Variants in MID2 observed in about 807,000 individuals in gnomAD.
MID2 encodes the protein probable E3 ubiquitin-protein ligase MID2.
In MID2, 13 loss-of-function variants were observed where a neutral mutation model predicts 46.1. The observed-to-expected ratio is 0.28, with a 90% confidence interval of 0.18 to 0.45. The LOEUF (loss-of-function observed/expected upper bound fraction) is 0.45. Among genes scored for constraint, MID2 ranks in the 20% least tolerant of loss-of-function variants. The pLI is 1.00. For synonymous variants in MID2, 199 were observed against 212.3 expected, an observed-to-expected ratio of 0.94 and a Z score of 0.55; for missense variants, 431 against 575.4, an observed-to-expected ratio of 0.75 and a Z score of 2.57.
At chrX:107,837,808 A>G (rs1357589803) in intron 1 of MID2, among the ~76,000 whole-genome samples, 1 of 111,820 alleles carries the variant, frequency 8.9e-6, no homozygotes, top group Non-Finnish European at 1.9e-5. Flanking sequence ...ACTTCCTCAC[A>G]AGTTTCCTGA....
chrX:107,917,665 G>T lies in MID2; in HGVS notation c.1361G>T (p.Ser454Ile), dbSNP rs899883431. ...QANFISKSWC[S>I]WGLWPEIRKC... ...AACTTCATCAGTAAGTCATGGTGTA[G>T]TTGGGGCCTGTGGCCAGAGATAAGG... The change falls in exon 7 of 10, where the codon AGT becomes ATT. Residue 454 changes from serine to isoleucine, a missense_variant. By Grantham distance (142) the Ser-to-Ile change is moderately radical. Coordinates refer to ENST00000262843, the MANE Select transcript of MID2 (RefSeq NM_012216.4). 1 of 1,212,117 alleles carries T rather than the reference G, an allele frequency of 8.3e-7. No homozygotes were observed. The highest frequency in any genetic ancestry group is 1.1e-6 in the Non-Finnish European group (1 of 895,643).
intron 3 of MID2, among the ~76,000 whole-genome samples, chrX:107,902,936 G>A (rs1353458081): frequency 1.8e-5 from 2 of 110,634 alleles, no homozygotes; most frequent in Non-Finnish European, 1.9e-5. Flanking sequence ...AACCTCGCCC[G>A]CCCACCCAGC....
rs551253128 is a variant in MID2 at position 107,905,581 on chromosome X, A to G, written c.1028A>G (p.Asn343Ser). 796 of 1,206,624 alleles carry G rather than the reference A, an allele frequency of 6.6e-4. 9 individuals are homozygous for G. The South Asian group carries it at 0.014, about 21-fold the overall frequency. The change falls in exon 5 of 10, where the codon AAT becomes AGT. Residue 343 changes from asparagine (N) to serine (S), a missense_variant. Coordinates refer to ENST00000262843, the MANE Select transcript of MID2 (RefSeq NM_012216.4). ...INQAEHILKE[N>S]DQARFLQSAK... Reference sequence around the variant, plus strand: ...CAAGCTGAGCATATCCTGAAAGAAAATGACCAGGCACGGTTTCTACAGTCT... The same window carrying G: ...CAAGCTGAGCATATCCTGAAAGAAAGTGACCAGGCACGGTTTCTACAGTCT...
At chrX:107,849,488 A>C (rs73249882) in intron 2 of MID2, among the ~76,000 whole-genome samples, 14,212 of 110,352 alleles carry the variant, frequency 0.13, 977 homozygotes, top group Non-Finnish European at 0.2. Flanking sequence ...AAAAAAAAAA[A>C]CCAGCAATTA....
intron 3 of MID2, among the ~76,000 whole-genome samples, chrX:107,888,647 C>T (rs1932521065): frequency 8.9e-6 from 1 of 111,809 alleles, no homozygotes; most frequent in Non-Finnish European, 1.9e-5. Flanking sequence ...TGGTGCAGAG[C>T]TGAGTTCAAT....
chrX:107,931,568 C>T lies in MID2; in HGVS notation c.*4495C>T, dbSNP rs1378822629. On this transcript the variant is annotated 3_prime_UTR_variant, in exon 10 of 10. Transcript: ENST00000262843. Reference sequence around the variant, plus strand: ...ATCTGTGGATTACACAGCCTCATCCCTCTCTACAATATTCCAGCCCATCCA... The same window carrying T: ...ATCTGTGGATTACACAGCCTCATCCTTCTCTACAATATTCCAGCCCATCCA... Among the ~76,000 whole-genome samples the T allele has an allele frequency of 8.9e-6, 1 of 111,787 alleles. No individual in the cohort carries two copies. Among genetic ancestry groups the T allele is most frequent in the Non-Finnish European group, 1.9e-5 (1 of 53,155 alleles).
chrX:107,840,371 G>A (rs1488394013), intron 1 of MID2, among the ~76,000 whole-genome samples: 1 of 112,089 alleles, frequency 8.9e-6, no homozygotes, highest in Non-Finnish European at 1.9e-5. Flanking sequence ...GAGAATATGT[G>A]AGAGAATGAT....
intron 3 of MID2, among the ~76,000 whole-genome samples, chrX:107,893,672 G>T (rs1216482716): frequency 1.8e-5 from 2 of 112,091 alleles, no homozygotes; most frequent in Admixed American, 9.5e-5. Flanking sequence ...ATGCTCACTG[G>T]GAGACAGTAA....
intron 3 of MID2, among the ~76,000 whole-genome samples, chrX:107,898,863 G>C (rs1405061965): frequency 8.9e-6 from 1 of 112,121 alleles, no homozygotes; most frequent in Non-Finnish European, 1.9e-5. Context: ...AGAGTGGAGA[G>C]CACTGAGACG....
intron 3 of MID2, among the ~76,000 whole-genome samples, chrX:107,880,293 TA>T (rs1205695601): frequency 9.0e-6 from 1 of 110,692 alleles, no homozygotes; most frequent in Non-Finnish European, 1.9e-5. Context: ...GGCTAATTTT[TA>T]AATATTTTGT....
chrX:107,841,364 T>A lies in MID2; in HGVS notation c.699T>A (p.Asn233Lys). ...RHRDHQVASLNDRFEKLKQTL... is the reference protein window; with the variant it reads ...RHRDHQVASLKDRFEKLKQTL... ...GAGACCATCAGGTCGCATCCCTGAA[T>A]GATCGATTTGAGAAACTCAAGGTAA... The change falls in exon 2 of 10, where the codon AAT becomes AAA. Residue 233 changes from asparagine (N) to lysine (K), a missense_variant. Coordinates refer to ENST00000262843, the MANE Select transcript of MID2 (RefSeq NM_012216.4). 8.4e-7 allele frequency: 1 copy of A among 1,194,530 alleles called. No homozygotes were observed. Among genetic ancestry groups the A allele is most frequent in the Non-Finnish European group, 1.1e-6 (1 of 885,048 alleles).
At chrX:107,868,743 T>C (rs1157362387) in intron 3 of MID2, among the ~76,000 whole-genome samples, 1 of 110,799 alleles carries the variant, frequency 9.0e-6, no homozygotes, top group Non-Finnish European at 1.9e-5. Flanking sequence ...TGTGGAGATA[T>C]AGAGAGAGCT....
chrX:107,889,527 C>T (rs1463394837), intron 3 of MID2, among the ~76,000 whole-genome samples: 2 of 111,487 alleles, frequency 1.8e-5, no homozygotes, highest in Non-Finnish European at 3.8e-5. Flanking sequence ...TGGGACCCGG[C>T]CTTTCTCTCT....
At chrX:107,855,359 C>A (rs1022228099) in intron 3 of MID2, among the ~76,000 whole-genome samples, 6 of 112,071 alleles carry the variant, frequency 5.4e-5, no homozygotes, top group Non-Finnish European at 7.5e-5. Flanking sequence ...GAGCTGACCT[C>A]TTCTTAAATG....
At chrX:107,893,984 C>T (rs903284411) in intron 3 of MID2, among the ~76,000 whole-genome samples, 5 of 112,069 alleles carry the variant, frequency 4.5e-5, no homozygotes, top group Non-Finnish European at 7.5e-5. Context: ...TTCGATTTTC[C>T]ATCTGTAGGA....
intron 3 of MID2, among the ~76,000 whole-genome samples, chrX:107,858,863 G>C (rs754323119): frequency 2.7e-5 from 3 of 112,141 alleles, no homozygotes; most frequent in Non-Finnish European, 3.8e-5. Flanking sequence ...GAAGCTCCAT[G>C]GGCAGGTTGA....
At chrX:107,827,069 A>G (rs1182937869) in intron 1 of MID2, among the ~76,000 whole-genome samples, 1 of 112,957 alleles carries the variant, frequency 8.9e-6, no homozygotes, top group Non-Finnish European at 1.9e-5. Context: ...CGACGCAACC[A>G]GGGAGAGTGG....
At chrX:107,870,527 A>G (rs1485212374) in intron 3 of MID2, among the ~76,000 whole-genome samples, 2 of 110,328 alleles carry the variant, frequency 1.8e-5, no homozygotes, top group East Asian at 5.6e-4. Context: ...AGGTTTTGTT[A>G]CTCCTTCTTG....
intron 3 of MID2, among the ~76,000 whole-genome samples, chrX:107,864,428 T>C (rs921817083): frequency 5.4e-5 from 6 of 111,255 alleles, no homozygotes; most frequent in African/African-American, 2.0e-4. Flanking sequence ...CTTGCTCAGA[T>C]TATTTTTGTG....
Sources: allele counts gnomAD v4.1 joint callset (sites outside exome capture counted in the v4.1 genomes callset), GRCh38; gene constraint gnomAD v4.1.1; transcripts MANE v1.5; gene names NCBI Gene and HGNC (gene_info 2026-07-23, HGNC 2026-07-21).